CNTN4: variants seen among roughly 807,000 people sequenced by gnomAD.
CNTN4 encodes the protein contactin-4.
CNTN4 carries 77 observed loss-of-function variants against 122.5 expected under a neutral mutation model. The observed-to-expected ratio is 0.63, with a 90% CI of 0.52 to 0.76. The LOEUF (loss-of-function observed/expected upper bound fraction) is 0.76, where lower values mean the gene tolerates loss of function less well. Ranked by LOEUF, CNTN4 falls within the 30% of genes least tolerant of loss-of-function variation. The probability of loss-of-function intolerance (pLI) is 0.00; values close to 1 mark genes in which losing one functional copy is unlikely to be tolerated. For missense variants in CNTN4, 1,256 were observed against 1,259.1 expected (o/e 1.00, Z 0.04); for synonymous variants, 512 against 447.0 (o/e 1.15, Z -1.83).
At chr3:2,636,458 A>T (rs752849869) in intron 4 of CNTN4, among the ~76,000 whole-genome samples, 10 of 152,218 alleles carry the variant, frequency 6.6e-5, no homozygotes, top group Admixed American at 1.3e-4. Flanking sequence ...GGGGAAAAAA[A>T]CCCAGGAATT....
At chr3:2,684,471 C>T (rs970980230) in intron 4 of CNTN4, among the ~76,000 whole-genome samples, 1 of 152,142 alleles carries the variant, frequency 6.6e-6, no homozygotes, top group African/African-American at 2.4e-5. Context: ...ACCCCAATGA[C>T]CAGTTTTGTC....
At chr3:2,122,225 G>A (rs562647357) in intron 2 of CNTN4, among the ~76,000 whole-genome samples, 2 of 152,086 alleles carry the variant, frequency 1.3e-5, no homozygotes, top group African/African-American at 4.8e-5. Flanking sequence ...AGTATGAAAG[G>A]GTACCTGGTC....
At chr3:2,664,618 G>A (rs1295513577) in intron 4 of CNTN4, among the ~76,000 whole-genome samples, 1 of 152,132 alleles carries the variant, frequency 6.6e-6, no homozygotes, top group Non-Finnish European at 1.5e-5. Context: ...GGGACCCAAA[G>A]TGAGCCCAGC....
At chr3:2,749,216 T>C (rs2089964406) in intron 6 of CNTN4, among the ~76,000 whole-genome samples, 1 of 152,104 alleles carries the variant, frequency 6.6e-6, no homozygotes, top group South Asian at 2.1e-4. Flanking sequence ...CTAGCTGGAG[T>C]GCAGTGGTGC....
intron 3 of CNTN4, among the ~76,000 whole-genome samples, chr3:2,441,284 A>G (rs1348850513): frequency 6.6e-6 from 1 of 152,214 alleles, no homozygotes; most frequent in Non-Finnish European, 1.5e-5. Context: ...TATGATATGC[A>G]GTAATAAGCA....
intron 10 of CNTN4, among the ~76,000 whole-genome samples, chr3:2,899,925 G>A (rs2094155050): frequency 6.6e-6 from 1 of 152,100 alleles, no homozygotes; most frequent in South Asian, 2.1e-4. Context: ...TACAACATGT[G>A]GGAGTGAAGT....
chr3:2,923,778 T>C (rs2094449536), intron 12 of CNTN4, among the ~76,000 whole-genome samples: 2 of 152,246 alleles, frequency 1.3e-5, no homozygotes, highest in Non-Finnish European at 2.9e-5. Context: ...TTTTTAATCA[T>C]GTTTATATTT....
At chr3:2,787,816 G>T (rs1559504055) in intron 6 of CNTN4, among the ~76,000 whole-genome samples, 1 of 149,112 alleles carries the variant, frequency 6.7e-6, no homozygotes, top group Admixed American at 6.7e-5. Context: ...TTGAGGCAGG[G>T]TCTTGCTCTG....
chr3:2,993,101 T>C (rs4527363), intron 14 of CNTN4, among the ~76,000 whole-genome samples: 13,689 of 152,186 alleles, frequency 0.09, 808 homozygotes, highest in Non-Finnish European at 0.13. Context: ...CTAAGCATGG[T>C]TTTCACATGT....
At chr3:2,654,857 T>A (rs1370341377) in intron 4 of CNTN4, among the ~76,000 whole-genome samples, 2 of 152,138 alleles carry the variant, frequency 1.3e-5, no homozygotes, top group Non-Finnish European at 2.9e-5. Flanking sequence ...CTTCTTCTTC[T>A]TATCTTCTGC....
intron 4 of CNTN4, among the ~76,000 whole-genome samples, chr3:2,633,135 G>A (rs910741772): frequency 6.6e-6 from 1 of 151,900 alleles, no homozygotes; most frequent in Non-Finnish European, 1.5e-5. Flanking sequence ...AATTATTTAA[G>A]GTAGTAAAAT....
intron 3 of CNTN4, among the ~76,000 whole-genome samples, chr3:2,556,675 A>G (rs527980033): frequency 8.5e-5 from 13 of 152,182 alleles, no homozygotes; most frequent in Admixed American, 8.5e-4. Flanking sequence ...TAAAAATCAC[A>G]TTTTATATAT....
At position 3,042,491 on chromosome 3, in the gene CNTN4, A is replaced by G. The variant is rs1700253928; in HGVS notation, c.2511+69A>G. The G allele has an allele frequency of 6.9e-6, 7 of 1,017,462 alleles. No homozygotes were observed. In the East Asian group the frequency reaches 1.7e-4, roughly 25 times the overall value. 63.0% of individuals were successfully genotyped at this position (1,017,462 alleles called of 1,614,324 possible). On this transcript the variant is annotated intron_variant, in intron 21 of 24. Coordinates refer to ENST00000418658, the MANE Select transcript of CNTN4 (RefSeq NM_175607.3). ...CCCCTTGATAAGTCCTCCAAGTCAC[A>G]TTCTTATAGGAAGAGACCCACATTC...
At chr3:2,518,412 G>C (rs2077101415) in intron 3 of CNTN4, among the ~76,000 whole-genome samples, 1 of 152,082 alleles carries the variant, frequency 6.6e-6, no homozygotes, top group African/African-American at 2.4e-5. Flanking sequence ...TATTTCACTT[G>C]AGAAACATTC....
chr3:2,903,797 G>C (rs779080642), intron 12 of CNTN4, among the ~76,000 whole-genome samples: 1 of 151,402 alleles, frequency 6.6e-6, no homozygotes, highest in African/African-American at 2.4e-5. Flanking sequence ...TAACCTCCCC[G>C]TGACGTCAAG....
intron 2 of CNTN4, among the ~76,000 whole-genome samples, chr3:2,108,017 C>G (rs2032596578): frequency 6.6e-6 from 1 of 152,094 alleles, no homozygotes; most frequent in South Asian, 2.1e-4. Flanking sequence ...CATCCTCAGG[C>G]TTAATTCCCT....
intron 7 of CNTN4, among the ~76,000 whole-genome samples, chr3:2,831,917 T>G (rs975100274): frequency 6.6e-6 from 1 of 152,250 alleles, no homozygotes; most frequent in East Asian, 1.9e-4. Context: ...AACCAGAGTA[T>G]GCTTTTTGAA....
intron 2 of CNTN4, among the ~76,000 whole-genome samples, chr3:2,131,814 C>G (rs2034463380): frequency 6.6e-6 from 1 of 152,154 alleles, no homozygotes; most frequent in Admixed American, 6.6e-5. Context: ...TGTGGCAGTT[C>G]AGACACTTTC....
At chr3:2,968,334 A>G (rs1412265091) in intron 13 of CNTN4, among the ~76,000 whole-genome samples, 2 of 152,142 alleles carry the variant, frequency 1.3e-5, no homozygotes, top group African/African-American at 4.8e-5. Flanking sequence ...AAAACCAAGG[A>G]AAAAAATGTG....
Sources: allele counts gnomAD v4.1 joint callset (sites outside exome capture counted in the v4.1 genomes callset), GRCh38; gene constraint gnomAD v4.1.1; transcripts MANE v1.5; gene names NCBI Gene and HGNC (gene_info 2026-07-23, HGNC 2026-07-21).